C5: variants seen among roughly 807,000 people sequenced by gnomAD.
C5 encodes the protein C3 and PZP-like alpha-2-macroglobulin domain-containing protein 4.
Under a neutral mutation model 218.8 loss-of-function variants are expected in C5, and 140 were observed. That is an observed-to-expected ratio of 0.64 (90% CI 0.56 to 0.74). C5 has a LOEUF of 0.74. C5 is among the 30% of genes least tolerant of loss of function. The pLI is 0.00. For missense variants in C5, 1,700 were observed against 1,969.6 expected (o/e 0.86, Z 2.59); for synonymous variants, 614 against 682.3 (o/e 0.90, Z 1.56).
At chr9:120,995,363 T>A (rs2131720760) in intron 22 of C5, among the ~76,000 whole-genome samples, 1 of 152,268 alleles carries the variant, frequency 6.6e-6, no homozygotes, top group South Asian at 2.1e-4. Flanking sequence ...TCTTCTTTAG[T>A]TGAAAAGAGA....
In C5 at chr9:120,953,844, G is replaced by A; in HGVS notation, c.4787C>T (p.Ser1596Phe). The A allele has an allele frequency of 6.2e-7, 1 of 1,614,054 alleles. No individual in the cohort carries two copies. The highest frequency in any genetic ancestry group is 8.5e-7 in the Non-Finnish European group (1 of 1,179,906). Residue 1596 changes from serine to phenylalanine, a missense_variant, in exon 40 of 41, where the codon TCT becomes TTT. Physicochemically the swap from Ser to Phe is radical, Grantham distance 155 (BLOSUM62 -2). Transcript: ENST00000223642. ...TACCTTTTTAATGAAGGTAATCTCAGAGTCTTTCTCAGCAACAGCTTCCCC... is the reference window on the plus strand; with the variant it reads ...TACCTTTTTAATGAAGGTAATCTCAAAGTCTTTCTCAGCAACAGCTTCCCC... ...KTGEAVAEKD[S>F]EITFIKKVTC...
chr9:120,990,497 G>A (rs1188087504), intron 23 of C5, among the ~76,000 whole-genome samples: 1 of 152,218 alleles, frequency 6.6e-6, no homozygotes. Flanking sequence ...GGCTTTTTGA[G>A]AGGTGATTAG....
rs1224918600 is a variant in C5 at position 120,997,661 on chromosome 9, G to A, written c.2676C>T (p.Ser892=). 1.9e-6 allele frequency: 3 copies of A among 1,614,100 alleles called. No homozygotes were observed. The highest frequency in any genetic ancestry group is 2.2e-5 in the South Asian group (2 of 91,088). Residue 892 remains serine (S), a synonymous_variant, in exon 21 of 41, where the codon TCC becomes TCT. Transcript: ENST00000223642. ...GCACAGTGAATGTCACCAAGTGACT[G>A]GAGGAGCCCTCTACTTTCTGGCGCA... The part of the protein sequence containing the change: ...KCVRQKVEGS[S]SHLVTFTVLP...
At chr9:121,036,428 AAG>A (rs2047525100) in intron 4 of C5, among the ~76,000 whole-genome samples, 1 of 152,176 alleles carries the variant, frequency 6.6e-6, no homozygotes, top group Non-Finnish European at 1.5e-5. Flanking sequence ...TGCATCACTT[AAG>A]TTCAACCATG....
chr9:121,046,991 G>A (rs551777710), intron 1 of C5, among the ~76,000 whole-genome samples: 56 of 152,280 alleles, frequency 3.7e-4, no homozygotes, highest in African/African-American at 1.2e-3. Flanking sequence ...ATAACGGAAA[G>A]GATAGAATAT....
chr9:120,963,287 CTGA>C (rs2046841305), intron 34 of C5, among the ~76,000 whole-genome samples: 2 of 152,104 alleles, frequency 1.3e-5, no homozygotes, highest in African/African-American at 4.8e-5. Context: ...GTGGATCACC[CTGA>C]TGTCAGGAGT....
intron 18 of C5, among the ~76,000 whole-genome samples, chr9:121,008,076 T>C (rs2047230516): frequency 6.6e-6 from 1 of 152,202 alleles, no homozygotes; most frequent in African/African-American, 2.4e-5. Context: ...TATTAATGTT[T>C]GTTTTATAGT....
intron 7 of C5, among the ~76,000 whole-genome samples, chr9:121,028,242 G>A (rs2047442188): frequency 6.6e-6 from 1 of 152,180 alleles, no homozygotes; most frequent in Non-Finnish European, 1.5e-5. Context: ...TTACACTGTT[G>A]GTGGGAGTGT....
intron 19 of C5, 30 bp from the exon 20 acceptor site, chr9:121,006,088 T>C: frequency 1.2e-6 from 2 of 1,611,234 alleles, no homozygotes; most frequent in Non-Finnish European, 1.7e-6. Flanking sequence ...CAAAGTAGAA[T>C]CATATTAGGA....
chr9:121,028,497 T>C (rs2047444546), intron 7 of C5, among the ~76,000 whole-genome samples: 2 of 152,156 alleles, frequency 1.3e-5, no homozygotes. Flanking sequence ...ATATACACCA[T>C]GGAATACTAT....
chr9:121,069,203 G>A, the C5 span, among the ~76,000 whole-genome samples: 1 of 152,296 alleles, frequency 6.6e-6, no homozygotes, highest in African/African-American at 2.4e-5. Flanking sequence ...TCAACATAGT[G>A]AAGAAACAAC....
At chr9:121,045,198 A>T (rs2047616759) in intron 2 of C5, among the ~76,000 whole-genome samples, 2 of 152,166 alleles carry the variant, frequency 1.3e-5, no homozygotes, top group Admixed American at 1.3e-4. Flanking sequence ...TGCTAAGAAC[A>T]TTAAAGAATT....
At chr9:120,969,747 G>A (rs2046896605) in intron 32 of C5, among the ~76,000 whole-genome samples, 1 of 152,166 alleles carries the variant, frequency 6.6e-6, no homozygotes, top group Non-Finnish European at 1.5e-5. Flanking sequence ...TTATTTTCTG[G>A]GCCCCTTGGA....
intron 33 of C5, among the ~76,000 whole-genome samples, chr9:120,968,007 C>A (rs1440803992): frequency 1.3e-5 from 2 of 152,078 alleles, no homozygotes; most frequent in African/African-American, 4.8e-5. Flanking sequence ...ACAGTATGAG[C>A]CACTGTACCC....
Position 120,989,560 on chromosome 9 carries a change from TTTTTTACCTTC to T in C5, c.3151_3154+7del. ...CCAATTTTTATGTGAAATACTTTTT[TTTTTTACCTTC>T]TTTTAATTTTTTCTTCAGTTTCTGC... On this transcript the variant is annotated splice_donor_variant and splice_donor_5th_base_variant and coding_sequence_variant and intron_variant, in exon 24 of 41. Transcript: ENST00000223642. LOFTEE classifies it high-confidence loss of function. 6.4e-7 allele frequency: 1 copy of T among 1,556,596 alleles called. No individual in the cohort carries two copies. Among genetic ancestry groups the T allele is most frequent in the Non-Finnish European group, 8.8e-7 (1 of 1,136,462 alleles).
At chr9:121,013,796 C>T (rs1437063733) in intron 17 of C5, 77 bp downstream of exon 17, 34 of 1,220,868 alleles carry the variant, frequency 2.8e-5, no homozygotes, top group African/African-American at 1.9e-4. Flanking sequence ...ATCATGAAAA[C>T]TGCCTTTCTT....
intron 38 of C5, among the ~76,000 whole-genome samples, chr9:120,959,311 C>T (rs756247684): frequency 1.5e-4 from 23 of 150,066 alleles, no homozygotes; most frequent in African/African-American, 2.5e-4. Flanking sequence ...CAGACTGGAG[C>T]GCAGTAGCAC....
chr9:121,068,599 T>C, the C5 span, among the ~76,000 whole-genome samples: 1 of 152,160 alleles, frequency 6.6e-6, no homozygotes, highest in Admixed American at 6.5e-5. Flanking sequence ...AAAATACCAA[T>C]GATTTTCTTC....
In C5 at chr9:120,975,054, G is replaced by A; in HGVS notation, c.3865-123C>T. 11 of 1,079,116 alleles carry A rather than the reference G, an allele frequency of 1.0e-5. No individual in the cohort carries two copies. In the South Asian group the frequency reaches 1.2e-4, roughly 12 times the overall value. 66.8% of individuals were successfully genotyped at this position (1,079,116 alleles called of 1,614,324 possible). ...TGGAGATGAAACTCCAGCTGACTCA[G>A]TAAGACTGGTTAAGAGCCCCATTGT... On this transcript the variant is annotated intron_variant, in intron 29 of 40. Transcript: ENST00000223642.
Sources: allele counts gnomAD v4.1 joint callset (sites outside exome capture counted in the v4.1 genomes callset), GRCh38; gene constraint gnomAD v4.1.1; transcripts MANE v1.5; gene names NCBI Gene and HGNC (gene_info 2026-07-23, HGNC 2026-07-21).